Variants in ERLN observed in about 807,000 individuals in gnomAD.
ERLN encodes small integral membrane protein 6.
chr17:75,647,651 C>T, the ERLN span: 1 of 1,337,212 alleles, frequency 7.5e-7, no homozygotes, highest in East Asian at 2.5e-5. Context: ...GCGGTTCCCT[C>T]TGGCTCAGGG....
chr17:75,647,309 A>T, the ERLN span: 13 of 1,415,820 alleles, frequency 9.2e-6, no homozygotes, highest in South Asian at 1.7e-4. Context: ...GGCAGAGCAT[A>T]GCACCTGGGA....
the ERLN span, chr17:75,647,614 G>A: frequency 2.2e-5 from 34 of 1,530,802 alleles, no homozygotes; most frequent in Non-Finnish European, 3.0e-5. Context: ...GAGCTGACCT[G>A]CCCCCATTCC....
At chr17:75,647,453 C>T in the ERLN span, 15 of 1,550,184 alleles carry the variant, frequency 9.7e-6, no homozygotes, top group Non-Finnish European at 1.3e-5. Context: ...GGGGGCCTGG[C>T]AGTGATTATC....
chr17:75,647,685 C>A, the ERLN span: 1 of 968,660 alleles, frequency 1.0e-6, no homozygotes, highest in Non-Finnish European at 1.5e-6. Flanking sequence ...GTCTTCCTTT[C>A]CCATCAGGAA....
the ERLN span, chr17:75,647,925 G>A: frequency 4.8e-6 from 1 of 209,110 alleles, no homozygotes; most frequent in African/African-American, 2.3e-5. Context: ...ACAAATCCTT[G>A]ACAGAGAAAG....
At chr17:75,647,713 T>C in the ERLN span, 2 of 752,524 alleles carry the variant, frequency 2.7e-6, no homozygotes, top group Non-Finnish European at 2.2e-6. Flanking sequence ...AGTAAAATAC[T>C]GTATCTGGCT....
At chr17:75,647,548 G>A in the ERLN span, 2 of 1,550,236 alleles carry the variant, frequency 1.3e-6, no homozygotes, top group East Asian at 4.9e-5. Context: ...TCAGTGTGAA[G>A]CGGGTGAAGA....
At chr17:75,647,277 G>C in the ERLN span, 1 of 1,100,544 alleles carries the variant, frequency 9.1e-7, no homozygotes, top group East Asian at 2.6e-5. Context: ...CACAGAGGCT[G>C]CTACAGAGGC....
the ERLN span, chr17:75,647,441 A>AG: frequency 1.2e-5 from 19 of 1,550,044 alleles, no homozygotes; most frequent in Middle Eastern, 2.1e-4. Context: ...CCCTGGGACC[A>AG]GGGGGGCCTG....
the ERLN span, chr17:75,647,427 G>C: frequency 6.5e-7 from 1 of 1,550,072 alleles, no homozygotes; most frequent in South Asian, 1.2e-5. Flanking sequence ...CGTTCTGGCA[G>C]AACCCCTGGG....
chr17:75,647,430 C>G, the ERLN span: 5 of 1,550,094 alleles, frequency 3.2e-6, no homozygotes, highest in Non-Finnish European at 4.4e-6. Flanking sequence ...TCTGGCAGAA[C>G]CCCTGGGACC....
the ERLN span, among the ~76,000 whole-genome samples, chr17:75,647,143 T>G: frequency 6.6e-6 from 1 of 152,192 alleles, no homozygotes; most frequent in Non-Finnish European, 1.5e-5. Context: ...GGGCCCCACT[T>G]CTTGCGCCAG....
chr17:75,647,583 T>G, the ERLN span: 1 of 1,549,166 alleles, frequency 6.5e-7, no homozygotes, highest in Non-Finnish European at 8.7e-7. Context: ...TGCTGGGGAC[T>G]GAGATGGCAG....
the ERLN span, chr17:75,647,634 C>A: frequency 1.4e-6 from 2 of 1,472,344 alleles, no homozygotes; most frequent in South Asian, 1.3e-5. Flanking sequence ...CAGTGGTGGG[C>A]CCCTTCGCGG....
the ERLN span, chr17:75,646,737 C>T: frequency 6.6e-6 from 1 of 152,396 alleles, no homozygotes; most frequent in African/African-American, 2.4e-5. Flanking sequence ...GCCTGAAGGA[C>T]CACCCTGAAT....
At chr17:75,647,681 C>A in the ERLN span, 1 of 993,942 alleles carries the variant, frequency 1.0e-6, no homozygotes, top group Non-Finnish European at 1.5e-6. Flanking sequence ...TGGTGTCTTC[C>A]TTTCCCATCA....
the ERLN span, chr17:75,647,866 A>C: frequency 3.3e-6 from 1 of 299,960 alleles, no homozygotes; most frequent in Non-Finnish European, 6.5e-6. Context: ...GGAAGGAGCT[A>C]TGGCTAACAA....
At chr17:75,647,747 TG>T in the ERLN span, 6 of 619,552 alleles carry the variant, frequency 9.7e-6, no homozygotes, top group African/African-American at 5.6e-5. Context: ...ACTAGTAAGA[TG>T]GGGAGGCTGG....
the ERLN span, among the ~76,000 whole-genome samples, chr17:75,647,060 G>C: frequency 3.9e-5 from 6 of 152,238 alleles, no homozygotes. Context: ...GGATGAGAGA[G>C]AGTCCTTGCT....
Sources: allele counts gnomAD v4.1 joint callset (sites outside exome capture counted in the v4.1 genomes callset), GRCh38; gene constraint gnomAD v4.1.1; transcripts MANE v1.5; gene names NCBI Gene and HGNC (gene_info 2026-07-23, HGNC 2026-07-21).